AMMECR1: variants seen among roughly 807,000 people sequenced by gnomAD.
AMMECR1 encodes the protein nuclear protein AMMECR1.
A neutral mutation model predicts 22.5 loss-of-function variants in AMMECR1; 3 were observed. That is an observed-to-expected ratio of 0.13 (90% CI 0.06 to 0.35). The LOEUF (loss-of-function observed/expected upper bound fraction) is 0.35, where lower values mean the gene tolerates loss of function less well. Ranked by LOEUF, AMMECR1 falls within the 10% of genes least tolerant of loss-of-function variation. The probability of loss-of-function intolerance (pLI) is 1.00; values close to 1 mark genes in which losing one functional copy is unlikely to be tolerated. For missense variants in AMMECR1, 235 were observed against 278.7 expected, an observed-to-expected ratio of 0.84 and a Z score of 1.12; for synonymous variants, 130 against 116.7, an observed-to-expected ratio of 1.11 and a Z score of -0.74.
chrX:110,243,213 C>T (rs930872011), intron 2 of AMMECR1, among the ~76,000 whole-genome samples: 18 of 112,064 alleles, frequency 1.6e-4, no homozygotes, highest in African/African-American at 5.8e-4. Context: ...TGGACTCTGC[C>T]TCCAGGAAAC....
chrX:110,335,327 A>G (rs1322038131), intron 2 of AMMECR1, among the ~76,000 whole-genome samples: 2 of 111,181 alleles, frequency 1.8e-5, no homozygotes, highest in Non-Finnish European at 3.8e-5. Context: ...CTGGCAAGTC[A>G]GACGATCACT....
intron 1 of AMMECR1, among the ~76,000 whole-genome samples, chrX:110,429,381 T>C (rs1357319527): frequency 1.8e-5 from 2 of 111,625 alleles, no homozygotes; most frequent in Non-Finnish European, 3.8e-5. Flanking sequence ...AATCCCTCAT[T>C]ATTAGCTATG....
At chrX:110,350,979 G>T (rs2068209205) in intron 2 of AMMECR1, among the ~76,000 whole-genome samples, 1 of 109,885 alleles carries the variant, frequency 9.1e-6, no homozygotes, top group South Asian at 3.9e-4. Flanking sequence ...TCTCAAAAAA[G>T]AAAAGAAAAG....
intron 1 of AMMECR1, among the ~76,000 whole-genome samples, chrX:110,295,801 C>T (rs1172158471): frequency 9.0e-6 from 1 of 111,567 alleles, no homozygotes; most frequent in Non-Finnish European, 1.9e-5. Flanking sequence ...CAATAATATA[C>T]AAAAACTCTG....
intron 2 of AMMECR1, among the ~76,000 whole-genome samples, chrX:110,248,381 G>A (rs1182370883): frequency 9.4e-6 from 1 of 106,768 alleles, no homozygotes; most frequent in African/African-American, 3.6e-5. Context: ...GCGAGATCCT[G>A]TCTCAAAAAA....
chrX:110,302,355 G>C (rs1264984044), intron 1 of AMMECR1, among the ~76,000 whole-genome samples: 2 of 110,655 alleles, frequency 1.8e-5, no homozygotes, highest in African/African-American at 3.3e-5. Flanking sequence ...AAAAAACTTG[G>C]AAGTCATAAA....
At chrX:110,373,140 G>A (rs1471274788) in intron 2 of AMMECR1, among the ~76,000 whole-genome samples, 1 of 111,764 alleles carries the variant, frequency 8.9e-6, no homozygotes, top group Non-Finnish European at 1.9e-5. Context: ...AAACGTTTAA[G>A]TAACTTGCGC....
intron 2 of AMMECR1, among the ~76,000 whole-genome samples, chrX:110,335,538 G>C (rs1367646697): frequency 9.0e-6 from 1 of 111,644 alleles, no homozygotes; most frequent in African/African-American, 3.3e-5. Flanking sequence ...ATAGGTCCCA[G>C]AGCTCTATAG....
At chrX:110,403,839 C>T (rs190769285) in intron 2 of AMMECR1, among the ~76,000 whole-genome samples, 3 of 112,336 alleles carry the variant, frequency 2.7e-5, no homozygotes, top group Non-Finnish European at 3.8e-5. Flanking sequence ...CCTCAGACCC[C>T]ACTGGAGGTG....
chrX:110,325,789 G>A (rs1353570312), intron 2 of AMMECR1, among the ~76,000 whole-genome samples: 2 of 111,248 alleles, frequency 1.8e-5, no homozygotes, highest in African/African-American at 3.3e-5. Flanking sequence ...ATTTATCTCT[G>A]TTTTAATCTT....
intron 2 of AMMECR1, among the ~76,000 whole-genome samples, chrX:110,339,401 TAAAAAAAAAAAA>T (rs10664998): frequency 8.2e-5 from 4 of 48,958 alleles, no homozygotes; most frequent in Non-Finnish European, 1.6e-4. Context: ...TGGTTTGTTG[TAAAAAAAAAAAA>T]AAAAAAAAAA....
intron 2 of AMMECR1, among the ~76,000 whole-genome samples, chrX:110,405,040 G>A (rs933288422): frequency 1.9e-5 from 2 of 107,669 alleles, no homozygotes; most frequent in African/African-American, 3.4e-5. Context: ...TCAGAGATAC[G>A]CTTTTGTCAG....
intron 2 of AMMECR1, among the ~76,000 whole-genome samples, chrX:110,339,519 G>C (rs1236452947): frequency 2.7e-5 from 3 of 109,192 alleles, no homozygotes; most frequent in African/African-American, 1.0e-4. Flanking sequence ...TTTTGGAGAA[G>C]GAGTTTCGCT....
At chrX:110,232,889 C>CAAAAAAAAAAAAAAAA (rs775605567) in intron 2 of AMMECR1, among the ~76,000 whole-genome samples, 1 of 11,914 alleles carries the variant, frequency 8.4e-5, no homozygotes, top group African/African-American at 4.4e-4. Context: ...GACTCAGTCT[C>CAAAAAAAAAAAAAAAA]AAAAAAAAAA....
At chrX:110,208,943 A>C (rs1303805170) in intron 3 of AMMECR1, among the ~76,000 whole-genome samples, 1 of 111,710 alleles carries the variant, frequency 9.0e-6, no homozygotes, top group African/African-American at 3.3e-5. Context: ...TTTAAATAAA[A>C]AGCGTGCTTT....
intron 2 of AMMECR1, among the ~76,000 whole-genome samples, chrX:110,257,626 A>T: frequency 8.9e-6 from 1 of 112,285 alleles, no homozygotes; most frequent in Non-Finnish European, 1.9e-5. Flanking sequence ...AACAAGCCAG[A>T]AAGTGGTACA....
At chrX:110,206,102 C>A (rs1390754978) in intron 3 of AMMECR1, among the ~76,000 whole-genome samples, 1 of 112,213 alleles carries the variant, frequency 8.9e-6, no homozygotes, top group Non-Finnish European at 1.9e-5. Flanking sequence ...GCATCCCCAG[C>A]TCCACCTGGC....
chrX:110,366,779 C>T (rs1463684812), intron 2 of AMMECR1, among the ~76,000 whole-genome samples: 3 of 112,000 alleles, frequency 2.7e-5, no homozygotes, highest in South Asian at 3.7e-4. Context: ...AGCTTATAAC[C>T]GTGCTAACCA....
intron 2 of AMMECR1, among the ~76,000 whole-genome samples, chrX:110,402,217 G>T (rs1301417791): frequency 8.8e-6 from 1 of 113,115 alleles, no homozygotes; most frequent in Non-Finnish European, 1.9e-5. Context: ...GACAAGAGCT[G>T]CCTTGGCAGC....
Sources: allele counts gnomAD v4.1 joint callset (sites outside exome capture counted in the v4.1 genomes callset), GRCh38; gene constraint gnomAD v4.1.1; transcripts MANE v1.5; gene names NCBI Gene and HGNC (gene_info 2026-07-23, HGNC 2026-07-21).